The following SENP3 variants were observed in gnomAD, a reference collection of about 807,000 sequenced individuals.
SENP3 encodes sentrin-specific protease 3.
A neutral mutation model predicts 66.2 loss-of-function variants in SENP3; 11 were observed. The ratio of observed to expected loss-of-function variants is 0.17; its 90% CI spans 0.10 to 0.28. The LOEUF (loss-of-function observed/expected upper bound fraction) is 0.28. Among genes scored for constraint, SENP3 ranks in the 10% least tolerant of loss-of-function variants. SENP3 has a pLI of 1.00. For synonymous variants in SENP3, 292 were observed against 277.6 expected, an observed-to-expected ratio of 1.05 and a Z score of -0.52; for missense variants, 548 against 743.7, an observed-to-expected ratio of 0.74 and a Z score of 3.06.
chr17:7,568,690 C>G (rs2071287582), intron 7 of SENP3, among the ~76,000 whole-genome samples: 1 of 152,130 alleles, frequency 6.6e-6, no homozygotes, highest in Admixed American at 6.5e-5. Flanking sequence ...TTCCCGGTAC[C>G]TTTCCCTGTG....
Position 7,563,644 on chromosome 17 carries a change from CG to C in SENP3, c.573del (p.Pro192HisfsTer9). On this transcript the variant is annotated frameshift_variant, in exon 2 of 11. Transcript: ENST00000321337. LOFTEE classifies it high-confidence loss of function. ...CCCCTGTTGTCGTTTTGACTCCCCC[CG>C]GGGGCCACCTCCACCCCGGCTGGGT... is the stretch of plus-strand genomic sequence containing the variant. ...PSPCCRFDSP[R>X]GPPPPRLGLL... 6.2e-7 allele frequency: 1 copy of C among 1,607,840 alleles called. No homozygotes were observed. Among genetic ancestry groups the C allele is most frequent in the South Asian group, 1.1e-5 (1 of 90,254 alleles).
Position 7,563,177 on chromosome 17 carries a change from G to C in SENP3, c.101G>C (p.Trp34Ser), listed in dbSNP as rs765980491. Residue 34 changes from tryptophan (W) to serine (S), a missense_variant, in exon 2 of 11, where the codon TGG becomes TCG. By Grantham distance (177) the Trp-to-Ser change is radical. Transcript: ENST00000321337. ...YSSPRRERLR[W>S]PPPPKPRLKS... ...AGTCCCAGGCGGGAGCGTCTTCGTT[G>C]GCCCCCACCTCCCAAACCCCGACTC... 1.3e-6 allele frequency: 2 copies of C among 1,563,078 alleles called. No homozygotes were observed. Among genetic ancestry groups the C allele is most frequent in the Non-Finnish European group, 1.7e-6 (2 of 1,154,618 alleles).
intron 5 of SENP3, 61 bp downstream of exon 5, chr17:7,565,648 C>G (rs878933097): frequency 5.6e-6 from 9 of 1,612,982 alleles, no homozygotes; most frequent in Non-Finnish European, 7.6e-6. Context: ...GTCTGGGGCC[C>G]TCTGCATGGG....
intron 7 of SENP3, among the ~76,000 whole-genome samples, chr17:7,568,136 CT>C: frequency 6.6e-6 from 1 of 151,168 alleles, no homozygotes; most frequent in South Asian, 2.1e-4. Flanking sequence ...TTTTTGTGTG[CT>C]GATGAGTTGA....
In SENP3 at chr17:7,571,747, T is replaced by C; in HGVS notation, c.*264T>C. On this transcript the variant is annotated 3_prime_UTR_variant, in exon 11 of 11. Transcript: ENST00000321337. ...CCCTGTGGCCTGGGTGGAGCAGTCA[T>C]CCTCCCCCTTCCCCGTGCAGGGAGC... The C allele has an allele frequency of 3.8e-6, 1 of 262,196 alleles. No individual in the cohort carries two copies. Among genetic ancestry groups the C allele is most frequent in the Non-Finnish European group, 7.4e-6 (1 of 135,586 alleles). The allele number at this position is 262,196 out of a possible 1,614,324, so 16.2% of individuals were successfully genotyped here.
At chr17:7,568,011 G>C (rs1045460973) in intron 7 of SENP3, among the ~76,000 whole-genome samples, 3 of 151,058 alleles carry the variant, frequency 2.0e-5, no homozygotes, top group African/African-American at 4.9e-5. Context: ...TAAATTTTAC[G>C]AGTAAAACCA....
intron 7 of SENP3, among the ~76,000 whole-genome samples, chr17:7,568,153 G>T (rs2071282277): frequency 6.6e-6 from 1 of 150,950 alleles, no homozygotes; most frequent in Admixed American, 6.6e-5. Context: ...GTTGATTCAT[G>T]GCTAGCCCCT....
intron 2 of SENP3, chr17:7,564,379 C>G (rs1445371413): frequency 4.5e-6 from 3 of 670,928 alleles, no homozygotes; most frequent in Non-Finnish European, 8.1e-6. Context: ...TTTCTAAATG[C>G]TAATCCTTTT....
At chr17:7,567,150 G>A in intron 7 of SENP3, 146 bp downstream of exon 7, 2 of 681,990 alleles carry the variant, frequency 2.9e-6, no homozygotes, top group East Asian at 2.7e-5. Flanking sequence ...TAAGGATACA[G>A]TGTTAAATAA....
chr17:7,563,301 T>C lies in SENP3; in HGVS notation c.225T>C (p.Ser75=). ...GACCCTCTTTTGATGCCTCAGCAAG[T>C]GAAGAGGAGGAAGAAGAGGAGGAGG... The part of the protein sequence containing the change: ...VPRPSFDASA[S]EEEEEEEEEE... The change falls in exon 2 of 11, where the codon AGT becomes AGC. Residue 75 remains serine (S), a synonymous_variant. Coordinates refer to ENST00000321337, the MANE Select transcript of SENP3 (RefSeq NM_015670.6). 6.4e-7 allele frequency: 1 copy of C among 1,552,440 alleles called. No individual in the cohort carries two copies. The highest frequency in any genetic ancestry group is 1.2e-5 in the South Asian group (1 of 84,140).
Position 7,571,910 on chromosome 17 carries a change from A to AT in SENP3, c.*427_*428insT, listed in dbSNP as rs2071328340. ...ATATATATATATATATATATATATA[A>AT]AAATATATAAATGCCACGGTCCTGC... On this transcript the variant is annotated 3_prime_UTR_variant, in exon 11 of 11. Transcript: ENST00000321337. The AT allele has an allele frequency of 7.9e-5, 2 of 25,318 alleles. No homozygotes were observed. Among genetic ancestry groups the AT allele is most frequent in the Admixed American group, 4.0e-4 (1 of 2,502 alleles). 1.6% of individuals were successfully genotyped at this position (25,318 alleles called of 1,614,324 possible). A position where few individuals can be genotyped will look rare whatever the true frequency, so the allele number is the denominator to read the frequency against.
At chr17:7,569,769 G>A (rs558698984) in intron 7 of SENP3, among the ~76,000 whole-genome samples, 1 of 152,334 alleles carries the variant, frequency 6.6e-6, no homozygotes, top group South Asian at 2.1e-4. Context: ...CCTTGTGCAA[G>A]TCACGACTTT....
chr17:7,563,681 C>T lies in SENP3; in HGVS notation c.605C>T (p.Ala202Val). The change falls in exon 2 of 11, where the codon GCT becomes GTT. Residue 202 changes from alanine (A) to valine (V), a missense_variant. By Grantham distance (64) the Ala-to-Val change is moderately conservative (BLOSUM62 0). Coordinates refer to ENST00000321337, the MANE Select transcript of SENP3 (RefSeq NM_015670.6). The stretch of plus-strand genomic sequence containing the variant: ...CCACCCCGGCTGGGTCTGCTAGGTG[C>T]TCTCATGGCTGAGGATGGGGTGAGA... ...PPPPRLGLLG[A>V]LMAEDGVRGS... The T allele has an allele frequency of 6.2e-7, 1 of 1,612,768 alleles. No individual in the cohort carries two copies. The highest frequency in any genetic ancestry group is 1.1e-5 in the South Asian group (1 of 91,028).
rs746430711 is a variant in SENP3, at chr17:7,563,807, G to A, written c.715+16G>A. On this transcript the variant is annotated intron_variant, in intron 2 of 10. Coordinates refer to ENST00000321337, the MANE Select transcript of SENP3 (RefSeq NM_015670.6). ...CCTGACTCGGGTAAGGTGGGAAAGG[G>A]GTGTGGGGTTGCGGGGGAGGGGTTA... The A allele has an allele frequency of 6.3e-7, 1 of 1,593,440 alleles. No homozygotes were observed. The highest frequency in any genetic ancestry group is 8.5e-7 in the Non-Finnish European group (1 of 1,170,690).
chr17:7,566,348 A>AAAAAAAAAAGAC (rs2071267988), intron 6 of SENP3, among the ~76,000 whole-genome samples: 1 of 150,916 alleles, frequency 6.6e-6, no homozygotes, highest in South Asian at 2.1e-4. Flanking sequence ...GTCTCAAAAA[A>AAAAAAAAAAGAC]AAAAAAAAAG....
In SENP3 at chr17:7,570,519, G is replaced by T; in HGVS notation, c.1479+26G>T. 6.2e-7 allele frequency: 1 copy of T among 1,604,598 alleles called. No homozygotes were observed. ...GTTTGAGGGGGTAGGAGAGAGATGGGCAAAATGTGGGGCGGTGCAGTGGCA... is the reference window on the plus strand; with the variant it reads ...GTTTGAGGGGGTAGGAGAGAGATGGTCAAAATGTGGGGCGGTGCAGTGGCA... On this transcript the variant is annotated intron_variant, in intron 8 of 10. Coordinates refer to ENST00000321337, the MANE Select transcript of SENP3 (RefSeq NM_015670.6). This position sits in a 1 kb window ranked among gnomAD's most constrained non-coding sequence, Gnocchi z 5.4.
intron 7 of SENP3, among the ~76,000 whole-genome samples, chr17:7,569,483 C>G (rs139278317): frequency 4.0e-5 from 6 of 151,300 alleles, no homozygotes; most frequent in Non-Finnish European, 7.4e-5. Flanking sequence ...GCCTATGTAA[C>G]GGGAAAAGTG....
chr17:7,567,123 CTT>C (rs773593630), intron 7 of SENP3, 119 bp downstream of exon 7: 62 of 764,682 alleles, frequency 8.1e-5, no homozygotes, highest in South Asian at 6.7e-4. Flanking sequence ...TTAAACGTCT[CTT>C]GTGTGTGTAG....
chr17:7,570,337 T>C lies in SENP3; in HGVS notation c.1342-19T>C. On this transcript the variant is annotated intron_variant, in intron 7 of 10. Transcript: ENST00000321337. The surrounding 1 kb of genome is among the most constrained non-coding windows in gnomAD (Gnocchi z 5.4). ...AGACTTCTGTTTGTTGTACCTGACC[T>C]GTGGCACTATCTCTTTAGGTGGACA... 3 of 1,609,028 alleles carry C rather than the reference T, an allele frequency of 1.9e-6. No individual in the cohort carries two copies. The highest frequency in any genetic ancestry group is 1.1e-5 in the South Asian group (1 of 90,990).
Sources: gnomAD v4.1 joint callset for allele counts (sites outside exome capture counted in the v4.1 genomes callset) on GRCh38, gnomAD v4.1.1 for gene constraint, Gnocchi (gnomAD v3.1) non-coding constraint, MANE v1.5 for transcripts, NCBI Gene and HGNC (gene_info 2026-07-23, HGNC 2026-07-21) for gene names.